Variants in PRMT8 observed in about 807,000 individuals in gnomAD.
The protein encoded by PRMT8 is protein arginine N-methyltransferase 8.
A neutral mutation model predicts 47.1 loss-of-function variants in PRMT8; 7 were observed. The observed-to-expected ratio is 0.15, with a 90% CI of 0.08 to 0.28. PRMT8 has a LOEUF of 0.28. Ranked by LOEUF, PRMT8 falls within the 10% of genes least tolerant of loss-of-function variation. The pLI, the probability that PRMT8 is intolerant of heterozygous loss-of-function variation, is 1.00. For synonymous variants in PRMT8, 188 were observed against 186.5 expected (o/e 1.01, Z -0.07); for missense variants, 237 against 505.4 (o/e 0.47, Z 5.09).
rs1866542455 is a variant in PRMT8, at chr12:3,557,196, G to A, written c.481+3482G>A. ...AGAGATGTGTGACCATAGAGGCTCA[G>A]TGAGTCCCATCCTTGCTGTTGTGTG... On this transcript the variant is annotated intron_variant, in intron 4 of 9. Transcript: ENST00000382622. This position sits in a 1 kb window ranked among gnomAD's most constrained non-coding sequence, Gnocchi z 4.7. 6.6e-6 allele frequency among the ~76,000 whole-genome samples: 1 copy of A among 152,174 alleles called. No homozygotes were observed. The highest frequency in any genetic ancestry group is 1.5e-5 in the Non-Finnish European group (1 of 68,026).
intron 2 of PRMT8, among the ~76,000 whole-genome samples, chr12:3,547,991 A>G (rs564078039): frequency 6.6e-6 from 1 of 152,338 alleles, no homozygotes; most frequent in East Asian, 1.9e-4. Context: ...GACTCTCACT[A>G]CGTTATTTCA....
At chr12:3,521,086 A>G (rs994966544) in intron 1 of PRMT8, among the ~76,000 whole-genome samples, 3 of 152,254 alleles carry the variant, frequency 2.0e-5, no homozygotes, top group African/African-American at 4.8e-5. Context: ...AGGTGGTATT[A>G]AAACCCCAAT....
At position 3,583,679 on chromosome 12, in the gene PRMT8, A is replaced by G. The variant is rs1259453350; in HGVS notation, c.979+471A>G. Among the ~76,000 whole-genome samples, 1 of 151,844 alleles carries G rather than the reference A, an allele frequency of 6.6e-6. No homozygotes were observed. The highest frequency in any genetic ancestry group is 1.5e-5 in the Non-Finnish European group (1 of 67,976). ...TTCACACCAACCCATCCTTCATTAA[A>G]TCTCTGTTGGTGTTCCCCCAAGATC... On this transcript the variant is annotated intron_variant, in intron 8 of 9. Coordinates refer to ENST00000382622, the MANE Select transcript of PRMT8 (RefSeq NM_019854.5). The surrounding 1 kb of genome is among the most constrained non-coding windows in gnomAD (Gnocchi z 4.7).
rs56059762 is a variant in PRMT8 at position 3,534,403 on chromosome 12, C to T, written c.76-6203C>T. ...CCTCTCCCCTCTGCAGGCTGCCTTC[C>T]CCCTTCAGATGTCCAGCACCTTCAC... On this transcript the variant is annotated intron_variant, in intron 1 of 9. Coordinates refer to ENST00000382622, the MANE Select transcript of PRMT8 (RefSeq NM_019854.5). Among the ~76,000 whole-genome samples the T allele has an allele frequency of 1.1e-3, 169 of 152,316 alleles. 1 individual carries two copies. Among genetic ancestry groups the T allele is most frequent in the African/African-American group, 3.8e-3 (159 of 41,550 alleles).
intron 1 of PRMT8, chr12:3,469,100 AG>A: frequency 2.1e-6 from 1 of 486,992 alleles, no homozygotes; most frequent in Non-Finnish European, 4.0e-6. Flanking sequence ...CGCAGCAGTC[AG>A]GGACATTTCT....
At chr12:3,567,655 A>G (rs1217594303) in intron 4 of PRMT8, among the ~76,000 whole-genome samples, 3 of 152,198 alleles carry the variant, frequency 2.0e-5, no homozygotes, top group Non-Finnish European at 4.4e-5. Flanking sequence ...GACCCCGACT[A>G]CCACAGGGGT....
chr12:3,457,419 C>T (rs1864986430), intron 1 of PRMT8, among the ~76,000 whole-genome samples: 1 of 152,176 alleles, frequency 6.6e-6, no homozygotes, highest in East Asian at 1.9e-4. Flanking sequence ...AGTGGTCCTC[C>T]TACCTCAGCC....
intron 1 of PRMT8, among the ~76,000 whole-genome samples, chr12:3,496,212 A>ATTTTTTTTTTTTTTTTTT (rs1444249290): frequency 5.7e-4 from 11 of 19,392 alleles, no homozygotes; most frequent in Non-Finnish European, 8.9e-4. Flanking sequence ...ATATATATAT[A>ATTTTTTTTTTTTTTTTTT]TATTTTTTTT....
chr12:3,412,199 A>C (rs1864437969), intron 1 of PRMT8, among the ~76,000 whole-genome samples: 1 of 152,218 alleles, frequency 6.6e-6, no homozygotes, highest in Non-Finnish European at 1.5e-5. Context: ...GGCAATTGTA[A>C]CACAATGGTA....
chr12:3,439,704 C>T (rs955993062), intron 1 of PRMT8, among the ~76,000 whole-genome samples: 3 of 152,136 alleles, frequency 2.0e-5, no homozygotes, highest in Non-Finnish European at 4.4e-5. Context: ...CAGAGGGGTT[C>T]ACATGAGAAA....
Position 3,382,506 on chromosome 12 carries a change from A to C in PRMT8, c.48+1064A>C, listed in dbSNP as rs530276391. Among the ~76,000 whole-genome samples the C allele has an allele frequency of 2.6e-5, 4 of 152,052 alleles. No homozygotes were observed. The South Asian group carries it at 8.3e-4, about 32-fold the overall frequency. ...ATGTTGAATGTCTTTTCACCTTCTT[A>C]TTTGCCATCTGTACGTCCTCTTTGG... On this transcript the variant is annotated intron_variant, in intron 1 of 9. Transcript: ENST00000452611.
At chr12:3,420,440 G>A (rs1157523400) in intron 1 of PRMT8, among the ~76,000 whole-genome samples, 1 of 152,150 alleles carries the variant, frequency 6.6e-6, no homozygotes, top group Non-Finnish European at 1.5e-5. Flanking sequence ...CCATATTGGG[G>A]ACCCCCTTTG....
chr12:3,416,129 A>G (rs1864481083), intron 1 of PRMT8, among the ~76,000 whole-genome samples: 1 of 152,176 alleles, frequency 6.6e-6, no homozygotes, highest in Middle Eastern at 3.2e-3. Flanking sequence ...CGGCCTGCCT[A>G]GGTCTCCTCG....
chr12:3,545,876 T>G (rs1866319634), intron 2 of PRMT8, among the ~76,000 whole-genome samples: 1 of 152,240 alleles, frequency 6.6e-6, no homozygotes, highest in Admixed American at 6.5e-5. Context: ...TAATTGACAT[T>G]TTTAGAACAT....
At chr12:3,411,209 C>T (rs1230577233) in intron 1 of PRMT8, among the ~76,000 whole-genome samples, 2 of 152,214 alleles carry the variant, frequency 1.3e-5, no homozygotes, top group African/African-American at 2.4e-5. Context: ...GACAAGGCCG[C>T]TAAAAGCTCA....
intron 4 of PRMT8, among the ~76,000 whole-genome samples, chr12:3,559,931 A>G (rs770936748): frequency 3.9e-5 from 6 of 152,208 alleles, no homozygotes; most frequent in Non-Finnish European, 7.3e-5. Flanking sequence ...ACTTGATTCT[A>G]TGCTACCGAG....
chr12:3,463,399 G>C (rs1413312917), intron 1 of PRMT8: 2 of 152,162 alleles, frequency 1.3e-5, no homozygotes, highest in Non-Finnish European at 2.9e-5. Context: ...ATCAAGAAAG[G>C]CTATAATTGC....
At chr12:3,418,756 A>G (rs1450488074) in intron 1 of PRMT8, among the ~76,000 whole-genome samples, 1 of 150,546 alleles carries the variant, frequency 6.6e-6, no homozygotes, top group Non-Finnish European at 1.5e-5. Context: ...AGACCCAGGA[A>G]AGCAGTGTCT....
chr12:3,590,632 TAAA>T (rs34781623), intron 8 of PRMT8, among the ~76,000 whole-genome samples: 6 of 130,828 alleles, frequency 4.6e-5, no homozygotes, highest in Non-Finnish European at 4.9e-5. Flanking sequence ...TCCTTAGTCC[TAAA>T]AAAAAAAAAA....
Sources: gnomAD v4.1 joint callset for allele counts (sites outside exome capture counted in the v4.1 genomes callset) on GRCh38, gnomAD v4.1.1 for gene constraint, Gnocchi (gnomAD v3.1) non-coding constraint, MANE v1.5 for transcripts, NCBI Gene and HGNC (gene_info 2026-07-23, HGNC 2026-07-21) for gene names.